The following TSGA10 variants were observed in gnomAD, a reference collection of about 807,000 sequenced individuals.
The protein encoded by TSGA10 is testis-specific gene 10 protein.
Under a neutral mutation model 96.6 loss-of-function variants are expected in TSGA10, and 43 were observed. The ratio of observed to expected loss-of-function variants is 0.44; its 90% confidence interval spans 0.35 to 0.57. The LOEUF (loss-of-function observed/expected upper bound fraction) is 0.57. Among genes scored for constraint, TSGA10 ranks in the 20% least tolerant of loss-of-function variants. The probability of loss-of-function intolerance (pLI) is 0.01; values close to 1 mark genes in which losing one functional copy is unlikely to be tolerated. For missense variants in TSGA10, 703 were observed against 834.4 expected (o/e 0.84, Z 1.94); for synonymous variants, 229 against 269.9 (o/e 0.85, Z 1.48).
chr2:99,042,042 T>C lies in TSGA10; in HGVS notation c.1405-6603A>G, dbSNP rs1056409154. Among the ~76,000 whole-genome samples the C allele has an allele frequency of 1.0e-3, 144 of 141,542 alleles. 13 individuals are homozygous for C. Among genetic ancestry groups the C allele is most frequent in the Admixed American group, 1.7e-3 (24 of 14,150 alleles). 92.9% of individuals were successfully genotyped at this position (141,542 alleles called of 152,430 possible). A position where few individuals can be genotyped will look rare whatever the true frequency, so the allele number is the denominator to read the frequency against. ...TGAATAGACAATTGCCCCCCCACAT[T>C]TTTTTTTTTTTTTTTTTTGAGACAG... On this transcript the variant is annotated intron_variant, in intron 16 of 20. Transcript: ENST00000393483.
chr2:99,074,576 C>G (rs2086456673), intron 12 of TSGA10, among the ~76,000 whole-genome samples: 1 of 151,924 alleles, frequency 6.6e-6, no homozygotes, highest in African/African-American at 2.4e-5. Context: ...CAAAATACTC[C>G]ATAAAATGGA....
intron 1 of TSGA10, among the ~76,000 whole-genome samples, chr2:99,131,454 T>A (rs1201331555): frequency 6.6e-6 from 1 of 152,190 alleles, no homozygotes; most frequent in African/African-American, 2.4e-5. Flanking sequence ...TGCTTCTGAT[T>A]TCTGCACATT....
intron 16 of TSGA10, among the ~76,000 whole-genome samples, chr2:99,047,401 G>A (rs1480090913): frequency 6.6e-6 from 1 of 152,194 alleles, no homozygotes; most frequent in Non-Finnish European, 1.5e-5. Context: ...TCATCCCTGG[G>A]ATGCAAGGCT....
intron 17 of TSGA10, among the ~76,000 whole-genome samples, chr2:99,027,830 T>C (rs2080768141): frequency 6.6e-6 from 1 of 152,206 alleles, no homozygotes; most frequent in Non-Finnish European, 1.5e-5. Context: ...GGCTGCATTT[T>C]CCTGGCTTTT....
At chr2:99,022,041 C>A (rs1360593220) in intron 17 of TSGA10, among the ~76,000 whole-genome samples, 1 of 152,038 alleles carries the variant, frequency 6.6e-6, no homozygotes, top group Non-Finnish European at 1.5e-5. Flanking sequence ...AAAAGAAACT[C>A]AAGGTTGGGC....
intron 20 of TSGA10, among the ~76,000 whole-genome samples, chr2:99,006,276 A>C (rs2078462664): frequency 1.3e-5 from 2 of 152,180 alleles, no homozygotes; most frequent in African/African-American, 2.4e-5. Context: ...TGGCAACAAA[A>C]GCCAAAATTG....
intron 20 of TSGA10, among the ~76,000 whole-genome samples, chr2:99,002,767 C>T (rs936248579): frequency 9.9e-5 from 15 of 151,966 alleles, no homozygotes; most frequent in South Asian, 2.1e-4. Flanking sequence ...CACACATAGG[C>T]TCAAAATAAA....
chr2:99,098,811 C>T (rs189483664), intron 10 of TSGA10, among the ~76,000 whole-genome samples: 7 of 151,980 alleles, frequency 4.6e-5, no homozygotes, highest in South Asian at 4.2e-4. Context: ...TACTAACTTG[C>T]GTAAGAAGGA....
chr2:99,108,257 T>C (rs2091518244), intron 7 of TSGA10, among the ~76,000 whole-genome samples: 2 of 152,214 alleles, frequency 1.3e-5, no homozygotes, highest in African/African-American at 4.8e-5. Context: ...TCCCTTAGAG[T>C]AGTGAGCCTA....
chr2:99,107,252 T>C (rs552004629), intron 7 of TSGA10, among the ~76,000 whole-genome samples: 4 of 152,200 alleles, frequency 2.6e-5, no homozygotes, highest in Non-Finnish European at 4.4e-5. Flanking sequence ...ACACCCTTGC[T>C]TAGTCCCTTA....
chr2:99,067,687 T>C (rs1321941093), intron 15 of TSGA10, among the ~76,000 whole-genome samples: 1 of 152,014 alleles, frequency 6.6e-6, no homozygotes, highest in East Asian at 1.9e-4. Flanking sequence ...ACCCCGTCTC[T>C]ACTAAAAATA....
intron 20 of TSGA10, among the ~76,000 whole-genome samples, chr2:99,007,210 G>A (rs2078573929): frequency 6.6e-6 from 1 of 152,088 alleles, no homozygotes; most frequent in Non-Finnish European, 1.5e-5. Flanking sequence ...GTTAATGGGT[G>A]CAGCACAGCA....
chr2:99,096,978 T>C (rs934445465), intron 10 of TSGA10, among the ~76,000 whole-genome samples: 12 of 152,104 alleles, frequency 7.9e-5, no homozygotes, highest in African/African-American at 2.7e-4. Context: ...TTAATGCATA[T>C]AGAAACCATG....
At chr2:99,081,436 T>C (rs774596887) in intron 10 of TSGA10, 39 bp from the exon 11 acceptor site, 1 of 1,291,294 alleles carries the variant, frequency 7.7e-7, no homozygotes, top group South Asian at 1.5e-5. Flanking sequence ...TCTGAAATTT[T>C]TGTTTTGTCA....
intron 12 of TSGA10, among the ~76,000 whole-genome samples, chr2:99,077,087 C>T (rs2086791254): frequency 6.7e-6 from 1 of 148,984 alleles, no homozygotes; most frequent in Admixed American, 6.7e-5. Context: ...TTATCTCTCT[C>T]CTTATTACAC....
chr2:99,042,040 A>C (rs10179910), intron 16 of TSGA10, among the ~76,000 whole-genome samples: 1,848 of 57,628 alleles, frequency 0.032, 127 homozygotes, highest in Middle Eastern at 0.071. Flanking sequence ...GCCCCCCCAC[A>C]TTTTTTTTTT....
intron 2 of TSGA10, among the ~76,000 whole-genome samples, chr2:99,120,183 C>T (rs1032508005): frequency 3.9e-5 from 6 of 152,062 alleles, no homozygotes; most frequent in East Asian, 1.9e-4. Flanking sequence ...TCATTTATTA[C>T]GTATCTCACA....
chr2:99,104,956 T>A (rs1559031426), intron 9 of TSGA10, among the ~76,000 whole-genome samples: 1 of 152,238 alleles, frequency 6.6e-6, no homozygotes, highest in Admixed American at 6.5e-5. Flanking sequence ...ACATTTAAAT[T>A]TAGTTTAAAT....
intron 1 of TSGA10, chr2:99,141,727 C>T (rs966008243): frequency 6.5e-6 from 1 of 152,928 alleles, no homozygotes; most frequent in South Asian, 2.1e-4. Context: ...CCCGCCTTCC[C>T]TCAGCTTGAA....
Sources: allele counts gnomAD v4.1 joint callset (sites outside exome capture counted in the v4.1 genomes callset), GRCh38; gene constraint gnomAD v4.1.1; transcripts MANE v1.5; gene names NCBI Gene and HGNC (gene_info 2026-07-23, HGNC 2026-07-21).